The following CTNNA3 variants were observed in gnomAD, a reference collection of about 807,000 sequenced individuals.
CTNNA3 encodes the protein catenin alpha 3.
In CTNNA3, 76 loss-of-function variants were observed where a neutral mutation model predicts 95.7. That is an observed-to-expected ratio of 0.79 (90% CI 0.66 to 0.96). CTNNA3 has a LOEUF of 0.96. Ranked by LOEUF, CTNNA3 falls within the 40% of genes least tolerant of loss-of-function variation. The pLI is 0.00. For synonymous variants in CTNNA3, 431 were observed against 374.4 expected, an observed-to-expected ratio of 1.15 and a Z score of -1.74; for missense variants, 1,191 against 1,089.8, an observed-to-expected ratio of 1.09 and a Z score of -1.31.
chr10:67,054,875 T>C (rs1855330916), intron 7 of CTNNA3: 1 of 152,184 alleles, frequency 6.6e-6, no homozygotes, highest in Admixed American at 6.5e-5. Context: ...GAGATCCTGT[T>C]AGTACATTAT....
intron 12 of CTNNA3, among the ~76,000 whole-genome samples, chr10:66,314,511 C>A (rs1158115600): frequency 6.6e-6 from 1 of 151,958 alleles, no homozygotes. Context: ...TCTTCTCTTC[C>A]CTCAAGGGGA....
At chr10:66,265,213 C>T (rs1263026600) in intron 13 of CTNNA3, among the ~76,000 whole-genome samples, 2 of 152,010 alleles carry the variant, frequency 1.3e-5, no homozygotes, top group Non-Finnish European at 2.9e-5. Flanking sequence ...GTTGTGATAA[C>T]ACCAAAAGTA....
At position 66,775,630 on chromosome 10, in the gene CTNNA3, A is replaced by G. The variant is rs1490441468; in HGVS notation, c.1048-106T>C. On this transcript the variant is annotated intron_variant, in intron 7 of 17. Coordinates refer to ENST00000433211, the MANE Select transcript of CTNNA3 (RefSeq NM_013266.4). The stretch of plus-strand genomic sequence containing the variant: ...AAATAACAGCTTGAAATTCAAGAAT[A>G]GGTTTCAAAACTGCTATATTATATA... The G allele has an allele frequency of 7.8e-6, 6 of 767,412 alleles. No homozygotes were observed. In the East Asian group the frequency reaches 1.5e-4, roughly 19 times the overall value. 47.5% of individuals were successfully genotyped at this position (767,412 alleles called of 1,614,324 possible).
chr10:66,791,214 C>T (rs1190581255), intron 7 of CTNNA3, among the ~76,000 whole-genome samples: 1 of 152,150 alleles, frequency 6.6e-6, no homozygotes, highest in Non-Finnish European at 1.5e-5. Context: ...TAACGGGTTC[C>T]CTTTGAAGGA....
chr10:66,550,249 AT>A (rs1842173807), intron 10 of CTNNA3, among the ~76,000 whole-genome samples: 1 of 152,156 alleles, frequency 6.6e-6, no homozygotes, highest in African/African-American at 2.4e-5. Flanking sequence ...TATCCCCTCA[AT>A]TCTTTTTATG....
chr10:66,064,577 G>A (rs999577678), intron 15 of CTNNA3, among the ~76,000 whole-genome samples: 1 of 152,128 alleles, frequency 6.6e-6, no homozygotes, highest in African/African-American at 2.4e-5. Flanking sequence ...AGCATTCACC[G>A]TTGATGCTCC....
At position 67,741,321 on chromosome 10, in the gene CTNNA3, AAAAAAAT is replaced by A. The variant is rs1465427989; in HGVS notation, c.-2+22106_-2+22112del. ...ACTTAAAGTATAATAATAAAAAAAT[AAAAAAAT>A]AAAAAATAAAAAAAGAACAAAAAAA... On this transcript the variant is annotated intron_variant, in intron 1 of 17. Coordinates refer to the CTNNA3 transcript ENST00000684154. Among the ~76,000 whole-genome samples the A allele has an allele frequency of 5.2e-4, 77 of 148,786 alleles. 2 individuals are homozygous for A. Among genetic ancestry groups the A allele is most frequent in the African/African-American group, 1.9e-3 (76 of 40,996 alleles).
chr10:67,506,055 T>C (rs1435894560), intron 5 of CTNNA3, among the ~76,000 whole-genome samples: 1 of 152,226 alleles, frequency 6.6e-6, no homozygotes, highest in Non-Finnish European at 1.5e-5. Flanking sequence ...ATCTGGTCAA[T>C]GAATGCAACT....
chr10:66,137,670 G>A (rs2083422273), intron 13 of CTNNA3, among the ~76,000 whole-genome samples: 1 of 152,134 alleles, frequency 6.6e-6, no homozygotes, highest in African/African-American at 2.4e-5. Flanking sequence ...TTTGTGGACT[G>A]GGTTTGGTGC....
chr10:67,280,595 A>G (rs1839355273), intron 5 of CTNNA3, among the ~76,000 whole-genome samples: 1 of 151,742 alleles, frequency 6.6e-6, no homozygotes, highest in African/African-American at 2.4e-5. Flanking sequence ...CAAGCTGAAG[A>G]CGCCCGACTC....
At chr10:66,786,838 A>G (rs1840765908) in intron 7 of CTNNA3, among the ~76,000 whole-genome samples, 1 of 152,168 alleles carries the variant, frequency 6.6e-6, no homozygotes, top group African/African-American at 2.4e-5. Flanking sequence ...CTTAGAGGGC[A>G]GGCCTGACAG....
chr10:66,279,858 A>G lies in CTNNA3; in HGVS notation c.1884+612T>C, dbSNP rs373714507. ...ACATTTAAAAGAACATTTTACATTA[A>G]TAATTGAGGGAAAACAATCCTGGTT... On this transcript the variant is annotated intron_variant, in intron 13 of 17. Coordinates refer to ENST00000433211, the MANE Select transcript of CTNNA3 (RefSeq NM_013266.4). Among the ~76,000 whole-genome samples, 76 of 152,190 alleles carry G rather than the reference A, an allele frequency of 5.0e-4. No individual in the cohort carries two copies. In the South Asian group the frequency reaches 0.015, roughly 31 times the overall value.
intron 17 of CTNNA3, among the ~76,000 whole-genome samples, chr10:65,921,768 T>G (rs894121343): frequency 3.3e-5 from 5 of 152,186 alleles, no homozygotes; most frequent in African/African-American, 1.2e-4. Context: ...CCAGTAACCT[T>G]TTTGGTAAAT....
At chr10:66,375,797 T>C (rs2092792617) in intron 12 of CTNNA3, among the ~76,000 whole-genome samples, 1 of 152,186 alleles carries the variant, frequency 6.6e-6, no homozygotes, top group African/African-American at 2.4e-5. Context: ...ATTTATTGGC[T>C]CAAAATTTCT....
intron 7 of CTNNA3, among the ~76,000 whole-genome samples, chr10:66,985,223 G>A (rs1850662302): frequency 6.6e-6 from 1 of 152,136 alleles, no homozygotes; most frequent in Non-Finnish European, 1.5e-5. Flanking sequence ...AGTTTATTTA[G>A]TAAAGGGGTG....
intron 5 of CTNNA3, among the ~76,000 whole-genome samples, chr10:67,402,632 C>G (rs1844965989): frequency 6.6e-6 from 1 of 152,138 alleles, no homozygotes; most frequent in Admixed American, 6.5e-5. Flanking sequence ...GCCAAGGGAA[C>G]CCCCACCCCA....
chr10:66,408,607 T>C (rs569197789), intron 11 of CTNNA3, among the ~76,000 whole-genome samples: 8 of 152,188 alleles, frequency 5.3e-5, no homozygotes, highest in Non-Finnish European at 8.8e-5. Flanking sequence ...AGGTCAGCCA[T>C]AAAGGTCTTC....
intron 15 of CTNNA3, among the ~76,000 whole-genome samples, chr10:65,994,764 T>C (rs55699700): frequency 0.07 from 10,697 of 152,210 alleles, 417 homozygotes; most frequent in East Asian, 0.11. Context: ...TGGAATTCTC[T>C]TCAACTTCTG....
At chr10:66,398,101 T>G (rs1564927047) in intron 11 of CTNNA3, among the ~76,000 whole-genome samples, 2 of 151,904 alleles carry the variant, frequency 1.3e-5, no homozygotes, top group Non-Finnish European at 2.9e-5. Flanking sequence ...TTACAAATAT[T>G]ATTTTATCAC....
Sources: allele counts gnomAD v4.1 joint callset (sites outside exome capture counted in the v4.1 genomes callset), GRCh38; gene constraint gnomAD v4.1.1; transcripts MANE v1.5; gene names NCBI Gene and HGNC (gene_info 2026-07-23, HGNC 2026-07-21).